CDX2: variants seen among roughly 807,000 people sequenced by gnomAD.
The protein encoded by CDX2 is caudal type homeobox 2.
A neutral mutation model predicts 25.5 loss-of-function variants in CDX2; 7 were observed. The observed-to-expected ratio is 0.27, with a 90% CI of 0.16 to 0.52. The LOEUF (loss-of-function observed/expected upper bound fraction) is 0.52. CDX2 is among the 20% of genes least tolerant of loss of function. The pLI, the probability that CDX2 is intolerant of heterozygous loss-of-function variation, is 0.97. For synonymous variants in CDX2, 222 were observed against 198.6 expected, an observed-to-expected ratio of 1.12 and a Z score of -0.99; for missense variants, 375 against 431.4, an observed-to-expected ratio of 0.87 and a Z score of 1.16.
In CDX2 at chr13:27,962,485, C is replaced by T. The variant is rs1011622372; in HGVS notation, c.*630G>A. ...CCTGGTCAGGCCTGGAGTCCAATAACCACCCCCTCATACCACACCCTGTGC... is the reference window on the plus strand; with the variant it reads ...CCTGGTCAGGCCTGGAGTCCAATAATCACCCCCTCATACCACACCCTGTGC... On this transcript the variant is annotated 3_prime_UTR_variant, in exon 3 of 3. Transcript: ENST00000381020. 1.3e-5 allele frequency: 3 copies of T among 233,340 alleles called. No homozygotes were observed. Among genetic ancestry groups the T allele is most frequent in the African/African-American group, 6.6e-5 (3 of 45,336 alleles). 14.5% of individuals were successfully genotyped at this position (233,340 alleles called of 1,614,324 possible).
At chr13:27,963,711 G>T (rs1442246848) in intron 2 of CDX2, among the ~76,000 whole-genome samples, 1 of 152,192 alleles carries the variant, frequency 6.6e-6, no homozygotes, top group Non-Finnish European at 1.5e-5. Context: ...GTGCTGGGTG[G>T]TATACTTCAA....
At position 27,968,645 on chromosome 13, in the gene CDX2, T is replaced by C. The variant is rs777861598; in HGVS notation, c.362A>G (p.His121Arg). 6.5e-7 allele frequency: 1 copy of C among 1,534,770 alleles called. No homozygotes were observed. The highest frequency in any genetic ancestry group is 2.5e-5 in the East Asian group (1 of 39,828). Residue 121 changes from histidine (H) to arginine (R), a missense_variant, in exon 1 of 3, where the codon CAC becomes CGC. Around this residue, in one of 3 missense-constraint regions of CDX2, gnomAD observed 253 missense variants for 247.5 expected, o/e 1.02. Coordinates refer to ENST00000381020, the MANE Select transcript of CDX2 (RefSeq NM_001265.6). ...ADYHPHHHPH[H>R]HPHHPAAAPS... The stretch of plus-strand genomic sequence containing the variant: ...CGCGGCGGCCGGGTGGTGCGGGTGG[T>C]GATGCGGGTGGTGGTGCGGATGGTA...
chr13:27,963,829 T>G (rs1392250878), intron 2 of CDX2, among the ~76,000 whole-genome samples: 1 of 152,184 alleles, frequency 6.6e-6, no homozygotes, highest in Non-Finnish European at 1.5e-5. Context: ...GTTGGCCTGT[T>G]TTTCTAGACT....
intron 2 of CDX2, 93 bp from the exon 3 acceptor site, chr13:27,963,462 C>G: frequency 9.5e-7 from 1 of 1,058,158 alleles, no homozygotes; most frequent in African/African-American, 1.6e-5. Context: ...ATCTTCTGCT[C>G]CAGCTACAGA....
rs1869112845 is a variant in CDX2 at position 27,962,714 on chromosome 13, G to A, written c.*401C>T. On this transcript the variant is annotated 3_prime_UTR_variant, in exon 3 of 3. Coordinates refer to ENST00000381020, the MANE Select transcript of CDX2 (RefSeq NM_001265.6). ...CAGGCAGCAGCCATCTTGGCCTCAA[G>A]CTTGCCTTTCCCTTGAGTCCCTCTC... The A allele has an allele frequency of 4.1e-6, 1 of 243,194 alleles. No homozygotes were observed. Among genetic ancestry groups the A allele is most frequent in the Non-Finnish European group, 8.0e-6 (1 of 125,046 alleles). The allele number at this position is 243,194 out of a possible 1,614,324, so 15.1% of individuals were successfully genotyped here.
chr13:27,965,379 G>C (rs992167728), intron 1 of CDX2, among the ~76,000 whole-genome samples: 3 of 152,210 alleles, frequency 2.0e-5, no homozygotes, highest in Admixed American at 1.3e-4. Flanking sequence ...CGGGATCCTG[G>C]AAGCATCCAG....
At chr13:27,966,925 G>T (rs1427043935) in intron 1 of CDX2, among the ~76,000 whole-genome samples, 1 of 151,900 alleles carries the variant, frequency 6.6e-6, no homozygotes, top group African/African-American at 2.4e-5. Flanking sequence ...CGGCCCGCGG[G>T]CTGCGGCCAC....
chr13:27,967,679 G>A (rs1260545073), intron 1 of CDX2, among the ~76,000 whole-genome samples: 1 of 152,192 alleles, frequency 6.6e-6, no homozygotes, highest in Non-Finnish European at 1.5e-5. Flanking sequence ...GAAGCTTTGG[G>A]AGAAATGACC....
rs1278849023 is a variant in CDX2, at chr13:27,968,812, C to A, written c.195G>T (p.Trp65Cys). 6.5e-7 allele frequency: 1 copy of A among 1,545,572 alleles called. No individual in the cohort carries two copies. Residue 65 changes from tryptophan (W) to cysteine (C), a missense_variant, in exon 1 of 3, where the codon TGG (tryptophan) becomes TGT (cysteine). Physicochemically the swap from Trp to Cys is radical, Grantham distance 215. This residue lies in a region of CDX2 where 253 missense variants were observed against 247.5 expected (regional missense o/e 1.02). Coordinates refer to ENST00000381020, the MANE Select transcript of CDX2 (RefSeq NM_001265.6). The part of the protein sequence containing the change: ...LDSAQSPGPS[W>C]PAAYGAPLRE... ...GGAGTGGGGCGCCATACGCTGCCGG[C>A]CAGGATGGCCCCGGGGACTGCGCGC...
At position 27,968,904 on chromosome 13, in the gene CDX2, G is replaced by T. The variant is rs148740542; in HGVS notation, c.103C>A (p.Pro35Thr). Reference protein sequence around the residue: ...NLAPQNFVSPPQYPDYGGYHV... With the variant: ...NLAPQNFVSPTQYPDYGGYHV... The stretch of plus-strand genomic sequence containing the variant: ...TAACCGCCGTAGTCCGGGTACTGCG[G>T]GGGGCTGACGAAGTTCTGCGGCGCC... Residue 35 changes from proline to threonine, a missense_variant, in exon 1 of 3, where the codon CCG becomes ACG. By Grantham distance (38) the Pro-to-Thr change is conservative. Around this residue, in one of 3 missense-constraint regions of CDX2, gnomAD observed 253 missense variants for 247.5 expected, o/e 1.02. Coordinates refer to ENST00000381020, the MANE Select transcript of CDX2 (RefSeq NM_001265.6). 127 of 1,608,222 alleles carry T rather than the reference G, an allele frequency of 7.9e-5. No individual in the cohort carries two copies. The African/African-American group carries it at 1.5e-3, about 19-fold the overall frequency.
rs146833945 is a variant in CDX2 at position 27,968,959 on chromosome 13, G to A, written c.48C>T (p.Ser16=). Residue 16 remains serine (S), a synonymous_variant, in exon 1 of 3, where the codon AGC becomes AGT. Transcript: ENST00000381020. The part of the protein sequence containing the change: ...LLDKDVSMYP[S]SVRHSGGLNL... ...TGAGGCCGCCAGAGTGGCGCACGGA[G>A]CTAGGGTACATGCTCACGTCCTTGT... 99 of 1,606,750 alleles carry A rather than the reference G, an allele frequency of 6.2e-5. No homozygotes were observed. Among genetic ancestry groups the A allele is most frequent in the Non-Finnish European group, 8.2e-5 (97 of 1,179,418 alleles).
intron 1 of CDX2, 23 bp downstream of exon 1, chr13:27,968,443 G>A: frequency 2.0e-6 from 3 of 1,494,106 alleles, no homozygotes; most frequent in South Asian, 1.3e-5. Context: ...AGCACCCTCC[G>A]AAGGGGCGCA....
In CDX2 at chr13:27,963,041, C is replaced by G; in HGVS notation, c.*74G>C. 7 of 1,519,640 alleles carry G rather than the reference C, an allele frequency of 4.6e-6. No homozygotes were observed. Among genetic ancestry groups the G allele is most frequent in the Non-Finnish European group, 6.2e-6 (7 of 1,133,012 alleles). The allele number at this position is 1,519,640 out of a possible 1,614,324, so 94.1% of individuals were successfully genotyped here. A position where few individuals can be genotyped will look rare whatever the true frequency, so the allele number is the denominator to read the frequency against. ...GTGGGTGGGAGGGGAGGGGTCTCTC[C>G]TGAGGAGTCTAGCAGAGTCCACGCT... On this transcript the variant is annotated 3_prime_UTR_variant, in exon 3 of 3. Transcript: ENST00000381020.
At chr13:27,966,007 G>A (rs1426622368) in intron 1 of CDX2, among the ~76,000 whole-genome samples, 1 of 152,192 alleles carries the variant, frequency 6.6e-6, no homozygotes, top group Non-Finnish European at 1.5e-5. Flanking sequence ...TTAATGCCCC[G>A]CAGGCTGACT....
At position 27,963,122 on chromosome 13, in the gene CDX2, G is replaced by C; in HGVS notation, c.935C>G (p.Thr312Ser). 6.2e-7 allele frequency: 1 copy of C among 1,611,680 alleles called. No individual in the cohort carries two copies. The highest frequency in any genetic ancestry group is 8.5e-7 in the Non-Finnish European group (1 of 1,178,282). Residue 312 changes from threonine to serine, a missense_variant, in exon 3 of 3, where the codon ACC becomes AGC. Physicochemically the swap from Thr to Ser is moderately conservative, Grantham distance 58. Coordinates refer to ENST00000381020, the MANE Select transcript of CDX2 (RefSeq NM_001265.6). ...GCTGCAGAACCCGGTGGGTCACTGGGTGACGGTGGGGTTTAGCACCCCCCC... is the reference window on the plus strand; with the variant it reads ...GCTGCAGAACCCGGTGGGTCACTGGCTGACGGTGGGGTTTAGCACCCCCCC... Reference protein sequence around the residue: ...PTGGVLNPTVTQ With the variant: ...PTGGVLNPTVSQ
Position 27,968,976 on chromosome 13 carries a change from C to G in CDX2, c.31G>C (p.Val11Leu), listed in dbSNP as rs1257411911. 5 of 1,602,880 alleles carry G rather than the reference C, an allele frequency of 3.1e-6. No homozygotes were observed. The highest frequency in any genetic ancestry group is 4.2e-6 in the Non-Finnish European group (5 of 1,179,014). The part of the protein sequence containing the change: MYVSYLLDKD[V>L]SMYPSSVRHS... ...CGCACGGAGCTAGGGTACATGCTCA[C>G]GTCCTTGTCCAGGAGGTAGCTCACG... The change falls in exon 1 of 3, where the codon GTG becomes CTG. Residue 11 changes from valine (V) to leucine (L), a missense_variant. Physicochemically the swap from Val to Leu is conservative, Grantham distance 32. Coordinates refer to ENST00000381020, the MANE Select transcript of CDX2 (RefSeq NM_001265.6).
chr13:27,967,505 G>T (rs532185936), intron 1 of CDX2, among the ~76,000 whole-genome samples: 17 of 152,282 alleles, frequency 1.1e-4, no homozygotes, highest in African/African-American at 3.9e-4. Context: ...TTTAAAAGGG[G>T]CACTCAACTA....
At chr13:27,968,431 C>A in intron 1 of CDX2, 35 bp downstream of exon 1, 1 of 1,469,898 alleles carries the variant, frequency 6.8e-7, no homozygotes, top group Non-Finnish European at 8.9e-7. Flanking sequence ...CGCGCCTTCC[C>A]AAGCACCCTC....
At chr13:27,966,249 A>G (rs1046766046) in intron 1 of CDX2, among the ~76,000 whole-genome samples, 1 of 152,216 alleles carries the variant, frequency 6.6e-6, no homozygotes, top group African/African-American at 2.4e-5. Context: ...CCTCCCCGCC[A>G]GGCGCATTAA....
Sources: allele counts gnomAD v4.1 joint callset (sites outside exome capture counted in the v4.1 genomes callset), GRCh38; gene constraint gnomAD v4.1.1; regional missense constraint gnomAD v4.1.1; transcripts MANE v1.5; gene names NCBI Gene and HGNC (gene_info 2026-07-23, HGNC 2026-07-21).